DOK4: variants seen among roughly 807,000 people sequenced by gnomAD.
DOK4 encodes downstream of tyrosine kinase 4.
Under a neutral mutation model 40.1 loss-of-function variants are expected in DOK4, and 26 were observed. The observed-to-expected ratio is 0.65, with a 90% CI of 0.48 to 0.90. The LOEUF is 0.90. Among genes scored for constraint, DOK4 ranks in the 40% least tolerant of loss-of-function variants. The pLI, the probability that DOK4 is intolerant of heterozygous loss-of-function variation, is 0.00. For synonymous variants in DOK4, 179 were observed against 177.0 expected, an observed-to-expected ratio of 1.01 and a Z score of -0.09; for missense variants, 392 against 437.2, an observed-to-expected ratio of 0.90 and a Z score of 0.92.
At chr16:57,483,672 G>A (rs1320087440) in intron 1 of DOK4, among the ~76,000 whole-genome samples, 4 of 152,106 alleles carry the variant, frequency 2.6e-5, no homozygotes, top group Admixed American at 2.6e-4. Context: ...AAAAATTGGA[G>A]GGCAGCTGAG....
At chr16:57,473,865 T>TC (rs11458669) in intron 7 of DOK4, 36 bp downstream of exon 7, 773,627 of 1,517,210 alleles carry the variant, frequency 0.51, 187,522 homozygotes, top group Non-Finnish European at 0.53. Context: ...CGTTCCCCCC[T>TC]CCCCCCGTAC....
At chr16:57,483,284 G>C (rs1278194276) in intron 1 of DOK4, among the ~76,000 whole-genome samples, 6 of 152,164 alleles carry the variant, frequency 3.9e-5, no homozygotes, top group Non-Finnish European at 8.8e-5. Context: ...ACTGTGTTAA[G>C]CAAGCGAGGC....
intron 6 of DOK4, among the ~76,000 whole-genome samples, chr16:57,474,489 C>T (rs1420627596): frequency 6.6e-6 from 1 of 152,130 alleles, no homozygotes; most frequent in African/African-American, 2.4e-5. Flanking sequence ...ACTTTATTAT[C>T]CCCGAAACCC....
At chr16:57,475,819 C>A in intron 3 of DOK4, 31 bp downstream of exon 3, 1 of 1,592,378 alleles carries the variant, frequency 6.3e-7, no homozygotes, top group South Asian at 1.1e-5. Context: ...AGCCCTGCCA[C>A]TTGGGGGAGC....
chr16:57,483,810 C>T (rs1428057318), intron 1 of DOK4: 2 of 152,182 alleles, frequency 1.3e-5, no homozygotes, highest in East Asian at 1.9e-4. Context: ...TTGGGTCCTT[C>T]CCCAGCACTG....
intron 2 of DOK4, among the ~76,000 whole-genome samples, chr16:57,476,896 G>A (rs1250441753): frequency 6.6e-6 from 1 of 152,242 alleles, no homozygotes; most frequent in African/African-American, 2.4e-5. Context: ...ATTCATGGGT[G>A]GTGGAGAGGG....
chr16:57,476,008 A>C (rs2031167146), intron 2 of DOK4, 51 bp from the exon 3 acceptor site: 5 of 1,454,106 alleles, frequency 3.4e-6, no homozygotes, highest in Admixed American at 1.9e-5. Flanking sequence ...CTCCCACCCC[A>C]CCAGCATGGC....
chr16:57,473,032 T>C (rs527574958), exon 9 of DOK4: 21 of 252,410 alleles, frequency 8.3e-5, no homozygotes, highest in Non-Finnish European at 1.4e-4. Flanking sequence ...AAAAACAGCC[T>C]TGACCGTGGC....
intron 1 of DOK4, among the ~76,000 whole-genome samples, chr16:57,480,678 C>T (rs1432106094): frequency 2.6e-5 from 4 of 151,922 alleles, no homozygotes; most frequent in African/African-American, 9.7e-5. Context: ...ATGTGGGATA[C>T]CAAGGGGAGG....
chr16:57,487,274 A>AAT (rs2031565434), upstream of DOK4: 2 of 152,258 alleles, frequency 1.3e-5, no homozygotes, highest in South Asian at 2.1e-4. Context: ...CTCAAAGTGT[A>AAT]GTCCCTGGAC....
chr16:57,472,826 TC>T (rs2030924894), exon 9 of DOK4: 1 of 154,652 alleles, frequency 6.5e-6, no homozygotes, highest in South Asian at 2.0e-4. Context: ...TGCAGATCCT[TC>T]CTGTGTCACT....
At chr16:57,484,588 G>A (rs1162123719) in intron 1 of DOK4, among the ~76,000 whole-genome samples, 1 of 152,170 alleles carries the variant, frequency 6.6e-6, no homozygotes, top group Non-Finnish European at 1.5e-5. Flanking sequence ...GAGTAATGCT[G>A]TGGCCCCGTA....
chr16:57,473,064 T>C, exon 9 of DOK4: 1 of 315,412 alleles, frequency 3.2e-6, no homozygotes, highest in South Asian at 6.5e-5. Context: ...ATTAAAAAAT[T>C]TGTGTGTATT....
At chr16:57,474,144 G>A (rs938427300) in intron 6 of DOK4, 105 bp from the exon 7 acceptor site, 16 of 1,504,182 alleles carry the variant, frequency 1.1e-5, no homozygotes, top group East Asian at 4.6e-5. Context: ...ATTCCAGGCC[G>A]GGAGGACAGG....
chr16:57,472,872 T>TC (rs1476577894), exon 9 of DOK4: 1 of 156,756 alleles, frequency 6.4e-6, no homozygotes, highest in Admixed American at 6.3e-5. Flanking sequence ...CACCTGCTGT[T>TC]CCGGCCCTTG....
chr16:57,482,087 A>C (rs2031427877), intron 1 of DOK4, among the ~76,000 whole-genome samples: 1 of 151,888 alleles, frequency 6.6e-6, no homozygotes, highest in Non-Finnish European at 1.5e-5. Flanking sequence ...GATGGTCTCG[A>C]TCTCCTGACC....
intron 1 of DOK4, chr16:57,481,881 TTGAGACGGAGTCTCCCTC>T: frequency 6.6e-6 from 1 of 151,962 alleles, no homozygotes; most frequent in East Asian, 1.9e-4. Context: ...TTTTTCTTTT[TTGAGACGGAGTCTCCCTC>T]TGTCGCCCAG....
chr16:57,473,349 C>T (rs368930463), exon 9 of DOK4: 80 of 1,600,294 alleles, frequency 5.0e-5, no homozygotes, highest in Non-Finnish European at 6.5e-5. Flanking sequence ...CAGCCCCCAG[C>T]AGTCATCGGT....
chr16:57,473,090 G>A, exon 9 of DOK4: 1 of 394,302 alleles, frequency 2.5e-6, no homozygotes, highest in Non-Finnish European at 4.6e-6. Flanking sequence ...GGAAGGATGG[G>A]GTGAGGGTGA....
Sources: allele counts gnomAD v4.1 joint callset (sites outside exome capture counted in the v4.1 genomes callset), GRCh38; gene constraint gnomAD v4.1.1; transcripts MANE v1.5; gene names NCBI Gene and HGNC (gene_info 2026-07-23, HGNC 2026-07-21).